Variants in NPHP1 observed in about 807,000 individuals in gnomAD.
NPHP1 encodes nephrocystin-1.
Under a neutral mutation model 90.4 loss-of-function variants are expected in NPHP1, and 70 were observed. That is an observed-to-expected ratio of 0.77 (90% CI 0.64 to 0.95). The LOEUF (loss-of-function observed/expected upper bound fraction) is 0.95, where lower values mean the gene tolerates loss of function less well. Among genes scored for constraint, NPHP1 ranks in the 40% least tolerant of loss-of-function variants. The pLI is 0.00. For missense variants in NPHP1, 764 were observed against 795.9 expected, an observed-to-expected ratio of 0.96 and a Z score of 0.48; for synonymous variants, 256 against 271.7, an observed-to-expected ratio of 0.94 and a Z score of 0.57.
In NPHP1 at chr2:110,158,223, G is replaced by A. The variant is rs182599523; in HGVS notation, c.1083+1904C>T. The stretch of plus-strand genomic sequence containing the variant: ...TAGGTTTGTTTTCTGACCCAGGACC[G>A]TCTATATTGGTGACTATTCCATATG... On this transcript the variant is annotated intron_variant, in intron 11 of 19. Transcript: ENST00000445609. Among the ~76,000 whole-genome samples, 149 of 152,142 alleles carry A rather than the reference G, an allele frequency of 9.8e-4. 1 individual carries two copies. Among genetic ancestry groups the A allele is most frequent in the African/African-American group, 3.4e-3 (140 of 41,536 alleles).
intron 2 of NPHP1, among the ~76,000 whole-genome samples, chr2:110,194,793 A>G (rs148704263): frequency 0.077 from 11,762 of 152,196 alleles, 684 homozygotes; most frequent in African/African-American, 0.17. Context: ...GCAGCACATC[A>G]AAAAGCCTAT....
chr2:110,189,733 A>G (rs1684563469), intron 2 of NPHP1, among the ~76,000 whole-genome samples: 1 of 152,242 alleles, frequency 6.6e-6, no homozygotes, highest in South Asian at 2.1e-4. Flanking sequence ...TGGTGCGTTT[A>G]CAATCCCTGA....
intron 2 of NPHP1, among the ~76,000 whole-genome samples, chr2:110,187,046 A>G (rs750637176): frequency 3.3e-5 from 5 of 152,148 alleles, no homozygotes; most frequent in Non-Finnish European, 7.4e-5. Context: ...AATTTATATC[A>G]CTAAATGCCC....
At chr2:110,130,449 T>C (rs1342140988) in intron 17 of NPHP1, among the ~76,000 whole-genome samples, 1 of 152,200 alleles carries the variant, frequency 6.6e-6, no homozygotes, top group Non-Finnish European at 1.5e-5. Flanking sequence ...TCAAGAGTCA[T>C]GAAAATGAAT....
chr2:110,188,633 C>A (rs1386929961), intron 2 of NPHP1, among the ~76,000 whole-genome samples: 1 of 151,906 alleles, frequency 6.6e-6, no homozygotes, highest in East Asian at 1.9e-4. Context: ...CTTCCATTGA[C>A]ATTCTTCACA....
rs150520157 is a variant in NPHP1, at chr2:110,164,519, C to A, written c.771+169G>T. ...AAAAAAAAACTAATGAGAAATGTTA[C>A]TTGGAGCACAGGCTTAGAAACCAGA... On this transcript the variant is annotated intron_variant, in intron 8 of 19. Coordinates refer to ENST00000445609, the MANE Select transcript of NPHP1 (RefSeq NM_001128178.3). 6.2e-5 allele frequency: 83 copies of A among 1,337,792 alleles called. 1 individual carries two copies. In the African/African-American group the frequency reaches 8.0e-4, roughly 13 times the overall value. 82.9% of individuals were successfully genotyped at this position (1,337,792 alleles called of 1,614,324 possible).
intron 4 of NPHP1, among the ~76,000 whole-genome samples, chr2:110,172,956 CTTTTTCTTTTTT>C (rs1348309649): frequency 7.1e-6 from 1 of 141,270 alleles, no homozygotes; most frequent in Admixed American, 6.8e-5. Context: ...TTTTCTTTTT[CTTTTTCTTTTTT>C]TTTTTTTTTG....
intron 11 of NPHP1, among the ~76,000 whole-genome samples, chr2:110,153,579 T>C (rs1014101409): frequency 6.6e-6 from 1 of 152,164 alleles, no homozygotes; most frequent in Non-Finnish European, 1.5e-5. Flanking sequence ...TAGTAGACTG[T>C]GGTAAGCTAT....
intron 2 of NPHP1, among the ~76,000 whole-genome samples, chr2:110,194,818 TG>T (rs924561818): frequency 6.6e-6 from 1 of 152,118 alleles, no homozygotes; most frequent in Non-Finnish European, 1.5e-5. Flanking sequence ...CATGATCAAG[TG>T]GGCTTCATCC....
In NPHP1 at chr2:110,123,865, C is replaced by T. The variant is rs781531545; in HGVS notation, c.1960G>A (p.Gly654Arg). 28 of 1,614,054 alleles carry T rather than the reference C, an allele frequency of 1.7e-5. 1 individual carries two copies. In the East Asian group the frequency reaches 5.3e-4, roughly 31 times the overall value. Reference sequence around the variant, plus strand: ...GAAAGGTCAAAAGGTTCATGAACTCCGTCTGGTGACAGCAGAGCTTGGAGG... The same window carrying T: ...GAAAGGTCAAAAGGTTCATGAACTCTGTCTGGTGACAGCAGAGCTTGGAGG... Reference protein sequence around the residue: ...GALQALLSPDGVHEPFDLSEQ... With the variant: ...GALQALLSPDRVHEPFDLSEQ... The change falls in exon 20 of 20, where the codon GGA becomes AGA. Residue 654 changes from glycine (G) to arginine (R), a missense_variant. Coordinates refer to ENST00000445609, the MANE Select transcript of NPHP1 (RefSeq NM_001128178.3).
At chr2:110,173,203 G>A (rs568752509) in intron 4 of NPHP1, among the ~76,000 whole-genome samples, 10 of 151,978 alleles carry the variant, frequency 6.6e-5, no homozygotes, top group South Asian at 4.2e-4. Context: ...TGATTCGCCC[G>A]CCTCAGCACA....
At chr2:110,144,854 G>A (rs760709878) in intron 14 of NPHP1, among the ~76,000 whole-genome samples, 1 of 151,758 alleles carries the variant, frequency 6.6e-6, no homozygotes, top group African/African-American at 2.4e-5. Flanking sequence ...AGTCATTAAC[G>A]TGTTCAGACC....
intron 2 of NPHP1, among the ~76,000 whole-genome samples, chr2:110,194,883 A>G (rs1272857940): frequency 6.7e-6 from 1 of 149,386 alleles, no homozygotes; most frequent in Admixed American, 6.8e-5. Flanking sequence ...AATCCAGCAT[A>G]TAAACAGAAC....
chr2:110,127,834 G>A (rs1387763396), intron 18 of NPHP1: 1 of 152,084 alleles, frequency 6.6e-6, no homozygotes, highest in Non-Finnish European at 1.5e-5. Flanking sequence ...GCAGATTCCT[G>A]TTACACACCT....
intron 14 of NPHP1, 90 bp from the exon 15 acceptor site, chr2:110,144,659 A>C (rs889439137): frequency 2.7e-6 from 2 of 747,960 alleles, no homozygotes; most frequent in African/African-American, 2.4e-5. Context: ...TAGCACTAAT[A>C]TACTCAGACA....
intron 8 of NPHP1, chr2:110,163,807 T>G (rs536059633): frequency 6.5e-6 from 1 of 154,854 alleles, no homozygotes; most frequent in East Asian, 1.9e-4. Context: ...ACTACAGACA[T>G]GCGCTACCAC....
chr2:110,131,291 A>G (rs139446676), intron 17 of NPHP1, among the ~76,000 whole-genome samples: 188 of 152,298 alleles, frequency 1.2e-3, no homozygotes, highest in African/African-American at 4.2e-3. Flanking sequence ...TTTGATACTT[A>G]TACTTCATGC....
chr2:110,152,564 G>C (rs1157944641), intron 11 of NPHP1, among the ~76,000 whole-genome samples: 1 of 140,478 alleles, frequency 7.1e-6, no homozygotes, highest in African/African-American at 2.7e-5. Flanking sequence ...TAGAGAAATA[G>C]ATATTGCTTT....
intron 15 of NPHP1, 85 bp from the exon 16 acceptor site, chr2:110,143,726 T>C (rs1680814780): frequency 2.2e-6 from 2 of 914,954 alleles, no homozygotes; most frequent in Non-Finnish European, 3.5e-6. Flanking sequence ...CATGAAAATA[T>C]ACCACCCAGT....
Sources: allele counts gnomAD v4.1 joint callset (sites outside exome capture counted in the v4.1 genomes callset), GRCh38; gene constraint gnomAD v4.1.1; transcripts MANE v1.5; gene names NCBI Gene and HGNC (gene_info 2026-07-23, HGNC 2026-07-21).